Variants in ELAVL4 observed in about 807,000 individuals in gnomAD.
ELAVL4 encodes the protein ELAV-like protein 4.
ELAVL4 carries 1 observed loss-of-function variant against 35.6 expected under a neutral mutation model. The ratio of observed to expected loss-of-function variants is 0.03; its 90% CI spans 0.01 to 0.13. The LOEUF is 0.13. Ranked by LOEUF, ELAVL4 falls within the 10% of genes least tolerant of loss-of-function variation. ELAVL4 has a pLI of 1.00. For synonymous variants in ELAVL4, 156 were observed against 171.0 expected (o/e 0.91, Z 0.69); for missense variants, 267 against 464.9 (o/e 0.57, Z 3.91).
chr1:50,149,417 A>G (rs1404475030), intron 2 of ELAVL4, among the ~76,000 whole-genome samples: 1 of 151,878 alleles, frequency 6.6e-6, no homozygotes, highest in Non-Finnish European at 1.5e-5. Context: ...GAAAAAAGAA[A>G]TCAGTGTAAG....
chr1:50,143,779 G>T lies in ELAVL4; in HGVS notation c.10-1178G>T, dbSNP rs4297340. On this transcript the variant is annotated intron_variant, in intron 1 of 6. Coordinates refer to ENST00000371824, the MANE Select transcript of ELAVL4 (RefSeq NM_001144774.3). ...CTGCGTTTGGGGCCAGGAAATCCGG[G>T]TGCAGGCCTGGACTTTGCCCCCATT... Among the ~76,000 whole-genome samples the T allele has an allele frequency of 6.8e-3, 1,031 of 152,228 alleles. 17 individuals are homozygous for T. The highest frequency in any genetic ancestry group is 0.024 in the African/African-American group (987 of 41,544).
intron 1 of ELAVL4, among the ~76,000 whole-genome samples, chr1:50,077,562 A>C (rs999220848): frequency 1.3e-5 from 2 of 152,188 alleles, no homozygotes; most frequent in East Asian, 3.8e-4. Flanking sequence ...CCAAATGTTA[A>C]TCTCATTTAA....
In ELAVL4 at chr1:50,202,399, A is replaced by T. The variant is rs993497712; in HGVS notation, c.*1221A>T. 2.0e-5 allele frequency: 3 copies of T among 152,206 alleles called. No individual in the cohort carries two copies. The highest frequency in any genetic ancestry group is 4.4e-5 in the Non-Finnish European group (3 of 68,026). The allele number at this position is 152,206 out of a possible 1,614,324, so 9.4% of individuals were successfully genotyped here. On this transcript the variant is annotated 3_prime_UTR_variant, in exon 7 of 7. Coordinates refer to ENST00000371824, the MANE Select transcript of ELAVL4 (RefSeq NM_001144774.3). ...TAGTTAAATGTAATGTGTTTAGGAG[A>T]GGAAAACAAAAGATACATTTGCTTT... is the stretch of plus-strand genomic sequence containing the variant.
intron 1 of ELAVL4, among the ~76,000 whole-genome samples, chr1:50,065,967 A>G (rs1664243712): frequency 6.6e-6 from 1 of 152,200 alleles, no homozygotes; most frequent in Non-Finnish European, 1.5e-5. Flanking sequence ...AGCGAAAGTA[A>G]GGAAGAAGTG....
chr1:50,170,223 G>A (rs1214630904), intron 2 of ELAVL4, among the ~76,000 whole-genome samples: 3 of 152,144 alleles, frequency 2.0e-5, no homozygotes, highest in East Asian at 1.9e-4. Flanking sequence ...TTATGGCAGC[G>A]ACTTTACATG....
chr1:50,157,578 A>T (rs1675984210), intron 2 of ELAVL4, among the ~76,000 whole-genome samples: 1 of 152,228 alleles, frequency 6.6e-6, no homozygotes, highest in Admixed American at 6.5e-5. Context: ...AATGCCACAG[A>T]TCCTACTTGT....
chr1:50,102,573 T>C (rs1034367790), upstream of ELAVL4, among the ~76,000 whole-genome samples: 12 of 152,266 alleles, frequency 7.9e-5, no homozygotes, highest in African/African-American at 2.9e-4. Flanking sequence ...TTAAATTCCA[T>C]ATCAAGTCAT....
chr1:50,087,927 A>G (rs562023153), intron 1 of ELAVL4, among the ~76,000 whole-genome samples: 6 of 152,368 alleles, frequency 3.9e-5, no homozygotes, highest in East Asian at 1.9e-4. Flanking sequence ...GCATTTTGCT[A>G]TGGCAGCCCA....
chr1:50,086,405 T>G (rs1186762919), intron 1 of ELAVL4, among the ~76,000 whole-genome samples: 1 of 151,636 alleles, frequency 6.6e-6, no homozygotes, highest in Non-Finnish European at 1.5e-5. Flanking sequence ...AAAAATAGAT[T>G]TCAAAATAAG....
rs542493288 is a variant in ELAVL4, at chr1:50,165,457, T to TAC, written c.251-11617_251-11616dup. Among the ~76,000 whole-genome samples the TAC allele has an allele frequency of 6.0e-3, 897 of 148,962 alleles. 6 individuals are homozygous for TAC. The highest frequency in any genetic ancestry group is 0.012 in the African/African-American group (489 of 40,480). ...ATATATATATAGATATAGATATAGA[T>TAC]ACACACACACACACACTCACATATA... On this transcript the variant is annotated intron_variant, in intron 2 of 6. Transcript: ENST00000371824.
intron 2 of ELAVL4, among the ~76,000 whole-genome samples, chr1:50,172,757 A>G (rs548409335): frequency 6.6e-6 from 1 of 152,298 alleles, no homozygotes; most frequent in Non-Finnish European, 1.5e-5. Context: ...TTCAATATCC[A>G]CATCTATAAA....
intron 1 of ELAVL4, among the ~76,000 whole-genome samples, chr1:50,075,509 C>T (rs1204883712): frequency 6.6e-6 from 1 of 152,116 alleles, no homozygotes; most frequent in Admixed American, 6.5e-5. Context: ...GAGCTCTAGC[C>T]CTAGTCTCAT....
At chr1:50,073,236 TA>T (rs1664611601) in intron 1 of ELAVL4, among the ~76,000 whole-genome samples, 1 of 152,134 alleles carries the variant, frequency 6.6e-6, no homozygotes, top group Non-Finnish European at 1.5e-5. Context: ...GTGGTGGAGT[TA>T]GGATATAAGC....
At chr1:50,133,580 GAGAAAGAAAGAAAGAAAGAAAAGAAAGAA>G (rs1557754306) in intron 1 of ELAVL4, among the ~76,000 whole-genome samples, 2 of 89,388 alleles carry the variant, frequency 2.2e-5, no homozygotes, top group Non-Finnish European at 4.9e-5. Context: ...GAAAGAGAGA[GAGAAAGAAAGAAAGAAAGAAAAGAAAGAA>G]AGAAAGAAAG....
chr1:50,119,172 C>G (rs1453534647), intron 1 of ELAVL4, among the ~76,000 whole-genome samples: 2 of 152,060 alleles, frequency 1.3e-5, no homozygotes, highest in African/African-American at 4.8e-5. Context: ...TTTAAGTCTT[C>G]ACCAAGAATC....
At chr1:50,178,771 A>G (rs1402846383) in intron 3 of ELAVL4, among the ~76,000 whole-genome samples, 1 of 152,206 alleles carries the variant, frequency 6.6e-6, no homozygotes, top group Non-Finnish European at 1.5e-5. Context: ...AGGCCACACT[A>G]GACTGAGAGC....
chr1:50,193,091 C>G (rs1416467178), intron 3 of ELAVL4, among the ~76,000 whole-genome samples: 1 of 152,102 alleles, frequency 6.6e-6, no homozygotes, highest in Non-Finnish European at 1.5e-5. Context: ...TGGTTTTTAT[C>G]TGCCCTGCTT....
At chr1:50,074,668 A>G (rs775377345) in intron 1 of ELAVL4, among the ~76,000 whole-genome samples, 1 of 152,176 alleles carries the variant, frequency 6.6e-6, no homozygotes, top group Non-Finnish European at 1.5e-5. Context: ...TGACCTAATA[A>G]CCTTGGGAAA....
chr1:50,053,872 G>C (rs1437559531), intron 1 of ELAVL4, among the ~76,000 whole-genome samples: 1 of 152,238 alleles, frequency 6.6e-6, no homozygotes, highest in Non-Finnish European at 1.5e-5. Context: ...GATTCCAGTG[G>C]AGGATTGCAG....
Sources: gnomAD v4.1 joint callset for allele counts (sites outside exome capture counted in the v4.1 genomes callset) on GRCh38, gnomAD v4.1.1 for gene constraint, MANE v1.5 for transcripts, NCBI Gene and HGNC (gene_info 2026-07-23, HGNC 2026-07-21) for gene names.